The following ODAD2 variants were observed in gnomAD, a reference collection of about 807,000 sequenced individuals.
The protein encoded by ODAD2 is outer dynein arm-docking complex subunit 2.
Under a neutral mutation model 106.8 loss-of-function variants are expected in ODAD2, and 89 were observed. The ratio of observed to expected loss-of-function variants is 0.83; its 90% CI spans 0.70 to 0.99. ODAD2 has a LOEUF of 0.99. ODAD2 is among the 50% of genes least tolerant of loss of function. The pLI is 0.00. For synonymous variants in ODAD2, 404 were observed against 436.2 expected, an observed-to-expected ratio of 0.93 and a Z score of 0.92; for missense variants, 1,168 against 1,238.5, an observed-to-expected ratio of 0.94 and a Z score of 0.85.
At chr10:27,868,380 A>G (rs1272349987) in intron 17 of ODAD2, among the ~76,000 whole-genome samples, 2 of 147,998 alleles carry the variant, frequency 1.4e-5, no homozygotes, top group Non-Finnish European at 2.9e-5. Context: ...ACATGCACAC[A>G]TATGTTTATC....
intron 16 of ODAD2, among the ~76,000 whole-genome samples, chr10:27,934,791 T>C (rs1175620760): frequency 6.6e-6 from 1 of 152,198 alleles, no homozygotes; most frequent in African/African-American, 2.4e-5. Context: ...CCGTGTATTG[T>C]AAATCCTCCC....
chr10:27,900,913 TC>T (rs1843154980), intron 17 of ODAD2, among the ~76,000 whole-genome samples: 3 of 152,018 alleles, frequency 2.0e-5, no homozygotes, highest in African/African-American at 7.3e-5. Context: ...CAGCAGAACT[TC>T]CCCAACCTAG....
chr10:27,940,933 T>A (rs1846373756), intron 12 of ODAD2, 128 bp from the exon 13 acceptor site: 1 of 1,010,280 alleles, frequency 9.9e-7, no homozygotes, highest in South Asian at 1.7e-5. Context: ...AAAAAATCAC[T>A]TTTCGTACTC....
intron 17 of ODAD2, among the ~76,000 whole-genome samples, chr10:27,869,374 A>G (rs1259560821): frequency 1.3e-5 from 2 of 152,040 alleles, no homozygotes; most frequent in Admixed American, 6.6e-5. Flanking sequence ...CTTTCTCCTG[A>G]AATAAATAAA....
intron 2 of ODAD2, among the ~76,000 whole-genome samples, chr10:27,988,853 GCA>G (rs1408983671): frequency 6.6e-6 from 1 of 152,144 alleles, no homozygotes; most frequent in Non-Finnish European, 1.5e-5. Context: ...AAGGGACTTT[GCA>G]TAGAAATTAA....
intron 10 of ODAD2, among the ~76,000 whole-genome samples, chr10:27,948,896 T>G (rs1847136092): frequency 6.6e-6 from 1 of 151,770 alleles, no homozygotes; most frequent in Non-Finnish European, 1.5e-5. Flanking sequence ...CATTAGGTTT[T>G]AAACGTGCAG....
chr10:27,851,744 A>G (rs946406321), intron 19 of ODAD2, among the ~76,000 whole-genome samples: 1 of 152,222 alleles, frequency 6.6e-6, no homozygotes, highest in South Asian at 2.1e-4. Flanking sequence ...AAAAGAGAAC[A>G]GGATGTAAAC....
chr10:27,856,684 A>T (rs569045287), intron 19 of ODAD2, among the ~76,000 whole-genome samples: 31 of 152,306 alleles, frequency 2.0e-4, no homozygotes, highest in African/African-American at 7.5e-4. Flanking sequence ...GCAAACCGAG[A>T]CATACTAGAA....
intron 10 of ODAD2, among the ~76,000 whole-genome samples, chr10:27,961,109 T>C (rs1250520946): frequency 6.6e-6 from 1 of 152,228 alleles, no homozygotes; most frequent in Non-Finnish European, 1.5e-5. Flanking sequence ...AAGTGTGTTT[T>C]ATTAAACTTT....
chr10:27,823,922 C>T (rs1336496372), intron 19 of ODAD2, among the ~76,000 whole-genome samples: 3 of 116,356 alleles, frequency 2.6e-5, no homozygotes, highest in Admixed American at 9.2e-5. Flanking sequence ...GGGCGGATCA[C>T]GAGGTCAGGA....
intron 16 of ODAD2, among the ~76,000 whole-genome samples, chr10:27,930,109 CTG>C (rs1181518362): frequency 6.6e-6 from 1 of 151,842 alleles, no homozygotes; most frequent in Non-Finnish European, 1.5e-5. Context: ...ACATTCCTGA[CTG>C]TGTTTTTAGT....
chr10:27,870,397 C>T (rs776311648), intron 17 of ODAD2, among the ~76,000 whole-genome samples: 1 of 152,006 alleles, frequency 6.6e-6, no homozygotes. Flanking sequence ...GGTACATGTG[C>T]TCAACATGCA....
At chr10:27,860,157 A>T (rs932050280) in intron 19 of ODAD2, among the ~76,000 whole-genome samples, 1 of 152,184 alleles carries the variant, frequency 6.6e-6, no homozygotes, top group African/African-American at 2.4e-5. Flanking sequence ...AGCATAAATC[A>T]TCATAACACA....
At chr10:27,938,103 T>C (rs1192694187) in intron 14 of ODAD2, among the ~76,000 whole-genome samples, 1 of 151,870 alleles carries the variant, frequency 6.6e-6, no homozygotes, top group East Asian at 1.9e-4. Context: ...ACCTGGCTAA[T>C]TGTTTTTGTA....
At chr10:27,870,748 C>T (rs1168590363) in intron 17 of ODAD2, among the ~76,000 whole-genome samples, 1 of 152,184 alleles carries the variant, frequency 6.6e-6, no homozygotes, top group Non-Finnish European at 1.5e-5. Context: ...TTAATCCACT[C>T]TATCATTGAT....
chr10:27,849,631 GA>G (rs2133209192), intron 19 of ODAD2, among the ~76,000 whole-genome samples: 2 of 152,122 alleles, frequency 1.3e-5, no homozygotes, highest in African/African-American at 4.8e-5. Flanking sequence ...AACTTAAAAA[GA>G]GAGGGAAAAA....
intron 19 of ODAD2, chr10:27,813,454 T>C (rs1460094215): frequency 2.6e-5 from 4 of 152,230 alleles, no homozygotes; most frequent in Admixed American, 1.3e-4. Flanking sequence ...TAAAGAAACG[T>C]ACAGTATCTA....
intron 17 of ODAD2, among the ~76,000 whole-genome samples, chr10:27,879,165 T>G (rs999191844): frequency 1.3e-5 from 2 of 152,148 alleles, no homozygotes; most frequent in Non-Finnish European, 2.9e-5. Flanking sequence ...CAGATAAGTG[T>G]GATTTTTCCA....
intron 7 of ODAD2, among the ~76,000 whole-genome samples, chr10:27,977,856 T>C (rs1849297458): frequency 6.6e-6 from 1 of 152,194 alleles, no homozygotes; most frequent in Non-Finnish European, 1.5e-5. Flanking sequence ...AGAATGTCTG[T>C]AGTTAAAAGA....
Sources: gnomAD v4.1 joint callset for allele counts (sites outside exome capture counted in the v4.1 genomes callset) on GRCh38, gnomAD v4.1.1 for gene constraint, MANE v1.5 for transcripts, NCBI Gene and HGNC (gene_info 2026-07-23, HGNC 2026-07-21) for gene names.